The following NCKAP5 variants were observed in gnomAD, a reference collection of about 807,000 sequenced individuals.
NCKAP5 encodes the protein NCK associated protein 5.
In NCKAP5, 92 loss-of-function variants were observed where a neutral mutation model predicts 167.0. The ratio of observed to expected loss-of-function variants is 0.55; its 90% CI spans 0.47 to 0.66. The LOEUF is 0.66. NCKAP5 is among the 30% of genes least tolerant of loss of function. NCKAP5 has a pLI of 0.00. For synonymous variants in NCKAP5, 891 were observed against 877.4 expected (o/e 1.02, Z -0.27); for missense variants, 2,378 against 2,315.0 (o/e 1.03, Z -0.56).
intron 11 of NCKAP5, among the ~76,000 whole-genome samples, chr2:132,798,888 C>T (rs990813110): frequency 6.6e-6 from 1 of 152,194 alleles, no homozygotes; most frequent in Non-Finnish European, 1.5e-5. Flanking sequence ...TTTGACCCAT[C>T]AGTCCATTAC....
chr2:133,535,177 T>C (rs557773716), intron 2 of NCKAP5, among the ~76,000 whole-genome samples: 1 of 152,312 alleles, frequency 6.6e-6, no homozygotes, highest in South Asian at 2.1e-4. Context: ...CATATGCAAG[T>C]TTTGTTTCAT....
At chr2:132,920,725 ATATATATG>A (rs1695288382) in intron 8 of NCKAP5, among the ~76,000 whole-genome samples, 1 of 109,568 alleles carries the variant, frequency 9.1e-6, no homozygotes, top group African/African-American at 4.0e-5. Flanking sequence ...ATATGTATAT[ATATATATG>A]TATATATATG....
intron 8 of NCKAP5, among the ~76,000 whole-genome samples, chr2:132,879,370 T>C (rs1435030595): frequency 6.6e-6 from 1 of 152,244 alleles, no homozygotes; most frequent in Non-Finnish European, 1.5e-5. Context: ...AATATGTTAC[T>C]TTCATTGTTA....
At chr2:132,864,605 T>C (rs534250866) in intron 10 of NCKAP5, among the ~76,000 whole-genome samples, 1 of 152,318 alleles carries the variant, frequency 6.6e-6, no homozygotes, top group Non-Finnish European at 1.5e-5. Context: ...CTCACTGCTA[T>C]ATAGTACCTA....
chr2:133,009,923 T>C (rs1573726855), intron 6 of NCKAP5, among the ~76,000 whole-genome samples: 1 of 151,738 alleles, frequency 6.6e-6, no homozygotes, highest in Non-Finnish European at 1.5e-5. Context: ...CAAAAAAAAT[T>C]AGCAGGGCGT....
chr2:133,036,337 C>A (rs1478555767), intron 6 of NCKAP5, among the ~76,000 whole-genome samples: 2 of 151,922 alleles, frequency 1.3e-5, no homozygotes, highest in African/African-American at 2.4e-5. Flanking sequence ...GTCTGTATTA[C>A]CCTCATACAA....
chr2:132,748,082 G>A (rs182302607), intron 16 of NCKAP5, among the ~76,000 whole-genome samples: 52 of 152,266 alleles, frequency 3.4e-4, no homozygotes, highest in South Asian at 6.2e-4. Context: ...CAGGGCCTCC[G>A]CCTCTATTTG....
At position 132,785,515 on chromosome 2, in the gene NCKAP5, C is replaced by G. The variant is rs142356779; in HGVS notation, c.1296G>C (p.Ser432=). The change falls in exon 14 of 20, where the codon TCG becomes TCC. Residue 432 remains serine (S), a synonymous_variant. Coordinates refer to ENST00000409261, the MANE Select transcript of NCKAP5 (RefSeq NM_207363.3). Reference sequence around the variant, plus strand: ...TTCCAGGAGAATATATTCCTTCATTCGAGTTCATGCAATCTTTATAACCCC... The same window carrying G: ...TTCCAGGAGAATATATTCCTTCATTGGAGTTCATGCAATCTTTATAACCCC... ...TKWGYKDCMN[S]NEGIYSPGIK... 2.8e-4 allele frequency: 443 copies of G among 1,610,692 alleles called. 1 individual carries two copies. Among genetic ancestry groups the G allele is most frequent in the Admixed American group, 7.7e-4 (46 of 59,676 alleles).
Position 132,818,100 on chromosome 2 carries a change from A to G in NCKAP5, c.808-21371T>C, listed in dbSNP as rs546339812. On this transcript the variant is annotated intron_variant, in intron 11 of 19. Transcript: ENST00000409261. The stretch of plus-strand genomic sequence containing the variant: ...GTAGTTGGGACTACAGGCACACGCC[A>G]GCATGCCTGGCTAATTTTTGTGTTT... Among the ~76,000 whole-genome samples, 15 of 152,232 alleles carry G rather than the reference A, an allele frequency of 9.9e-5. No homozygotes were observed. The South Asian group carries it at 2.7e-3, about 27-fold the overall frequency.
intron 3 of NCKAP5, among the ~76,000 whole-genome samples, chr2:133,303,968 C>A (rs889320428): frequency 1.3e-5 from 2 of 152,106 alleles, no homozygotes; most frequent in Non-Finnish European, 1.5e-5. Context: ...TATTCCCTTT[C>A]TGTTTAGAGG....
At chr2:132,886,290 T>G (rs903013545) in intron 8 of NCKAP5, among the ~76,000 whole-genome samples, 2 of 152,266 alleles carry the variant, frequency 1.3e-5, no homozygotes, top group Non-Finnish European at 1.5e-5. Context: ...TAATACTATC[T>G]ATACCTGGAG....
At chr2:133,579,055 A>G in the NCKAP5 span, among the ~76,000 whole-genome samples, 1 of 152,264 alleles carries the variant, frequency 6.6e-6, no homozygotes, top group East Asian at 1.9e-4. Flanking sequence ...TAATGGTCAT[A>G]AACATTTGGA....
At chr2:133,093,608 T>C (rs1299646775) in intron 6 of NCKAP5, among the ~76,000 whole-genome samples, 1 of 152,198 alleles carries the variant, frequency 6.6e-6, no homozygotes, top group Non-Finnish European at 1.5e-5. Flanking sequence ...AGAAAAGTTA[T>C]CTCTAATAGA....
At chr2:132,961,908 G>A (rs1213073848) in intron 8 of NCKAP5, among the ~76,000 whole-genome samples, 3 of 152,132 alleles carry the variant, frequency 2.0e-5, no homozygotes, top group African/African-American at 7.2e-5. Flanking sequence ...ATAAAGTTAT[G>A]AGTTTCTTAA....
chr2:133,227,698 T>A (rs1294884539), intron 4 of NCKAP5, among the ~76,000 whole-genome samples: 2 of 152,194 alleles, frequency 1.3e-5, no homozygotes, highest in African/African-American at 2.4e-5. Flanking sequence ...ATTTTATGAG[T>A]CCATAACCTA....
At chr2:132,902,626 A>AT (rs1307411657) in intron 8 of NCKAP5, among the ~76,000 whole-genome samples, 2 of 152,320 alleles carry the variant, frequency 1.3e-5, no homozygotes, top group African/African-American at 4.8e-5. Flanking sequence ...TGGCTGTAAG[A>AT]TAGTTTTCAG....
chr2:133,052,696 C>T (rs181801484), intron 6 of NCKAP5, among the ~76,000 whole-genome samples: 296 of 145,400 alleles, frequency 2.0e-3, no homozygotes, highest in African/African-American at 7.0e-3. Flanking sequence ...CCAGCCTGGG[C>T]GACAAAAGAG....
intron 6 of NCKAP5, among the ~76,000 whole-genome samples, chr2:133,048,209 G>C (rs1000405878): frequency 6.6e-6 from 1 of 152,092 alleles, no homozygotes; most frequent in Non-Finnish European, 1.5e-5. Flanking sequence ...ATTGGACTGG[G>C]GGAACCTGGC....
At chr2:133,101,590 T>G (rs970831034) in intron 6 of NCKAP5, among the ~76,000 whole-genome samples, 1 of 151,866 alleles carries the variant, frequency 6.6e-6, no homozygotes, top group African/African-American at 2.4e-5. Context: ...GAGCAGTGGT[T>G]TGTAGTTCTC....
Sources: gnomAD v4.1 joint callset for allele counts (sites outside exome capture counted in the v4.1 genomes callset) on GRCh38, gnomAD v4.1.1 for gene constraint, MANE v1.5 for transcripts, NCBI Gene and HGNC (gene_info 2026-07-23, HGNC 2026-07-21) for gene names.